Variants in ADAMTS17 observed in about 807,000 individuals in gnomAD.
ADAMTS17 encodes ADAM metallopeptidase with thrombospondin type 1 motif 17, also known as A disintegrin and metalloproteinase with thrombospondin motifs 17.
ADAMTS17 carries 113 observed loss-of-function variants against 141.5 expected under a neutral mutation model. The observed-to-expected ratio is 0.80, with a 90% CI of 0.69 to 0.93. ADAMTS17 has a LOEUF of 0.93. ADAMTS17 is among the 40% of genes least tolerant of loss of function. ADAMTS17 has a pLI of 0.00. For missense variants in ADAMTS17, 1,659 were observed against 1,517.9 expected, an observed-to-expected ratio of 1.09 and a Z score of -1.54; for synonymous variants, 768 against 630.6, an observed-to-expected ratio of 1.22 and a Z score of -3.27.
intron 18 of ADAMTS17, among the ~76,000 whole-genome samples, chr15:100,046,891 A>G (rs560127992): frequency 7.2e-5 from 11 of 152,352 alleles, no homozygotes; most frequent in African/African-American, 2.4e-4. Flanking sequence ...AAAGAACAGG[A>G]TAACAGCAAC....
At chr15:100,141,764 G>T (rs1286931803) in intron 10 of ADAMTS17, among the ~76,000 whole-genome samples, 1 of 152,216 alleles carries the variant, frequency 6.6e-6, no homozygotes, top group Non-Finnish European at 1.5e-5. Context: ...TCTCTGAAAA[G>T]GCAGTCTACT....
intron 7 of ADAMTS17, among the ~76,000 whole-genome samples, chr15:100,236,779 A>C (rs2042669798): frequency 6.6e-6 from 1 of 152,172 alleles, no homozygotes; most frequent in Admixed American, 6.5e-5. Context: ...TCGAGGCTGC[A>C]GTGAGCTATG....
chr15:99,997,723 C>T lies in ADAMTS17; in HGVS notation c.2592-134G>A. ...AGGCAGACTCAGGAAGCTTTTCAGC[C>T]AACCCTGGACATAACTCAGAGTATC... is the stretch of plus-strand genomic sequence containing the variant. On this transcript the variant is annotated intron_variant, in intron 18 of 21. Coordinates refer to ENST00000268070, the MANE Select transcript of ADAMTS17 (RefSeq NM_139057.4). The surrounding 1 kb of genome is among the most constrained non-coding windows in gnomAD (Gnocchi z 4.7). 1.9e-6 allele frequency: 2 copies of T among 1,043,680 alleles called. No homozygotes were observed. The highest frequency in any genetic ancestry group is 1.4e-5 in the South Asian group (1 of 72,518). 64.7% of individuals were successfully genotyped at this position (1,043,680 alleles called of 1,614,324 possible).
intron 18 of ADAMTS17, among the ~76,000 whole-genome samples, chr15:100,001,525 CGAT>C (rs1182610355): frequency 1.3e-5 from 2 of 152,036 alleles, no homozygotes; most frequent in Non-Finnish European, 2.9e-5. Flanking sequence ...ATGTGGGTGA[CGAT>C]GATGTCGTGA....
intron 18 of ADAMTS17, among the ~76,000 whole-genome samples, chr15:100,012,980 T>C (rs968318322): frequency 1.7e-4 from 26 of 152,214 alleles, no homozygotes; most frequent in Non-Finnish European, 7.3e-5. Context: ...TTTGGCAGTA[T>C]GGTCATTTTC....
At position 100,226,898 on chromosome 15, in the gene ADAMTS17, A is replaced by G. The variant is rs142994514; in HGVS notation, c.1075+27238T>C. Among the ~76,000 whole-genome samples the G allele has an allele frequency of 5.1e-4, 78 of 152,352 alleles. No individual in the cohort carries two copies. In the East Asian group the frequency reaches 0.014, roughly 27 times the overall value. On this transcript the variant is annotated intron_variant, in intron 7 of 21. Transcript: ENST00000268070. ...CAATTGCTAATAATCAACTGTTCTG[A>G]TCTAGAAAAATGACAATTTCATGTG...
chr15:100,040,548 T>A (rs1428290021), intron 18 of ADAMTS17, among the ~76,000 whole-genome samples: 1 of 152,106 alleles, frequency 6.6e-6, no homozygotes. Flanking sequence ...GAGAGAAGGA[T>A]CTCTTTTGAT....
chr15:100,145,405 G>T (rs957187402), intron 10 of ADAMTS17, among the ~76,000 whole-genome samples: 2 of 152,188 alleles, frequency 1.3e-5, no homozygotes, highest in Admixed American at 1.3e-4. Flanking sequence ...ACAGCATCTA[G>T]CAAGTAGTAG....
chr15:100,010,511 G>A (rs111602670), intron 18 of ADAMTS17, among the ~76,000 whole-genome samples: 3 of 152,168 alleles, frequency 2.0e-5, no homozygotes, highest in African/African-American at 4.8e-5. Context: ...CGTGTGCTGC[G>A]AGCCTATGGG....
intron 18 of ADAMTS17, among the ~76,000 whole-genome samples, chr15:99,999,316 G>C (rs1299581342): frequency 2.0e-5 from 3 of 152,180 alleles, no homozygotes; most frequent in African/African-American, 4.8e-5. Context: ...ACAGTCACAA[G>C]TGCTCTAGAG....
intron 3 of ADAMTS17, among the ~76,000 whole-genome samples, chr15:100,310,930 G>A (rs1005532356): frequency 3.9e-5 from 6 of 152,210 alleles, no homozygotes; most frequent in African/African-American, 1.4e-4. Flanking sequence ...TGGAAAGCAG[G>A]CTTTGCAAAA....
chr15:100,033,174 T>TC lies in ADAMTS17; in HGVS notation c.2591+15682dup, dbSNP rs143672855. 6.5e-3 allele frequency among the ~76,000 whole-genome samples: 985 copies of TC among 152,266 alleles called. 15 individuals carry two copies. Among genetic ancestry groups the TC allele is most frequent in the African/African-American group, 0.023 (939 of 41,528 alleles). ...TCCACTGCACCCATTTTTATTTTTT[T>TC]CCCAAGCCATCACACCTGATCAAAT... On this transcript the variant is annotated intron_variant, in intron 18 of 21. Coordinates refer to ENST00000268070, the MANE Select transcript of ADAMTS17 (RefSeq NM_139057.4).
intron 7 of ADAMTS17, among the ~76,000 whole-genome samples, chr15:100,219,041 A>G (rs2042054239): frequency 6.6e-6 from 1 of 152,222 alleles, no homozygotes; most frequent in African/African-American, 2.4e-5. Context: ...GATACAGGTT[A>G]AAGCGTAGAT....
intron 8 of ADAMTS17, among the ~76,000 whole-genome samples, chr15:100,156,536 G>A (rs1013509160): frequency 6.6e-6 from 1 of 152,192 alleles, no homozygotes; most frequent in Non-Finnish European, 1.5e-5. Flanking sequence ...TCAGTGGAGG[G>A]GGGGCATCCT....
At chr15:100,292,089 T>TCAGCCCGTGGGGAGCCAC (rs1567496735) in intron 3 of ADAMTS17, among the ~76,000 whole-genome samples, 1 of 118,908 alleles carries the variant, frequency 8.4e-6, no homozygotes, top group Non-Finnish European at 1.9e-5. Context: ...TGGGGAGTCA[T>TCAGCCCGTGGGGAGCCAC]GAGAGACGCT....
chr15:100,282,860 C>T (rs1322944683), intron 3 of ADAMTS17, among the ~76,000 whole-genome samples: 3 of 151,844 alleles, frequency 2.0e-5, no homozygotes, highest in Non-Finnish European at 2.9e-5. Flanking sequence ...CTAGAGAAGC[C>T]GATATAAATC....
At chr15:100,131,366 G>GAA (rs11398544) in intron 12 of ADAMTS17, among the ~76,000 whole-genome samples, 1,710 of 127,614 alleles carry the variant, frequency 0.013, 27 homozygotes, top group East Asian at 0.027. Context: ...CTTAAAGTAT[G>GAA]AAAAAAAAAA....
At chr15:100,303,842 C>A (rs2045127815) in intron 3 of ADAMTS17, among the ~76,000 whole-genome samples, 1 of 152,160 alleles carries the variant, frequency 6.6e-6, no homozygotes, top group Non-Finnish European at 1.5e-5. Context: ...TCTGCCTCAA[C>A]CTCCCGAGTA....
intron 2 of ADAMTS17, among the ~76,000 whole-genome samples, chr15:100,337,461 G>A (rs2046241256): frequency 1.3e-5 from 2 of 152,310 alleles, no homozygotes; most frequent in Non-Finnish European, 1.5e-5. Flanking sequence ...CCTTCTCACA[G>A]TCCTTCAAGG....
Sources: gnomAD v4.1 joint callset for allele counts (sites outside exome capture counted in the v4.1 genomes callset) on GRCh38, gnomAD v4.1.1 for gene constraint, Gnocchi (gnomAD v3.1) non-coding constraint, MANE v1.5 for transcripts, NCBI Gene and HGNC (gene_info 2026-07-23, HGNC 2026-07-21) for gene names.